The following GNB4 variants were observed in gnomAD, a reference collection of about 807,000 sequenced individuals.
The protein encoded by GNB4 is guanine nucleotide-binding protein subunit beta-4.
Under a neutral mutation model 45.2 loss-of-function variants are expected in GNB4, and 28 were observed. That is an observed-to-expected ratio of 0.62 (90% CI 0.46 to 0.85). The LOEUF (loss-of-function observed/expected upper bound fraction) is 0.85. Ranked by LOEUF, GNB4 falls within the 40% of genes least tolerant of loss-of-function variation. The pLI is 0.00. For synonymous variants in GNB4, 132 were observed against 143.7 expected (o/e 0.92, Z 0.58); for missense variants, 321 against 425.4 (o/e 0.75, Z 2.16).
chr3:179,416,123 G>A (rs1409749079), intron 5 of GNB4, among the ~76,000 whole-genome samples: 1 of 152,032 alleles, frequency 6.6e-6, no homozygotes, highest in Non-Finnish European at 1.5e-5. Flanking sequence ...AGTGCCTGGA[G>A]CGGGCCAAAG....
the GNB4 span, among the ~76,000 whole-genome samples, chr3:179,511,127 C>T: frequency 2.6e-5 from 4 of 152,340 alleles, no homozygotes; most frequent in South Asian, 6.2e-4. Context: ...GTGTTGGCCA[C>T]ATCACCATGT....
At chr3:179,508,782 T>C in the GNB4 span, among the ~76,000 whole-genome samples, 9 of 151,936 alleles carry the variant, frequency 5.9e-5, no homozygotes, top group East Asian at 1.9e-4. Flanking sequence ...TAAGGACAAA[T>C]AGAGCTGCAA....
At chr3:179,428,372 G>A (rs1321929206) in intron 1 of GNB4, among the ~76,000 whole-genome samples, 3 of 152,098 alleles carry the variant, frequency 2.0e-5, no homozygotes, top group African/African-American at 7.2e-5. Context: ...ATGCATCTCA[G>A]AGAGGGCCAG....
At chr3:179,465,448 C>CAA in the GNB4 span, 48 of 308,894 alleles carry the variant, frequency 1.6e-4, no homozygotes, top group South Asian at 2.1e-4. Context: ...ACTAAAAATA[C>CAA]AAAAAAAAAA....
the GNB4 span, among the ~76,000 whole-genome samples, chr3:179,504,269 G>T: frequency 6.6e-6 from 1 of 151,966 alleles, no homozygotes; most frequent in African/African-American, 2.4e-5. Flanking sequence ...CTCTCCCACA[G>T]GCCTGATACT....
intron 9 of GNB4, among the ~76,000 whole-genome samples, chr3:179,402,479 C>G (rs1714331677): frequency 6.6e-6 from 1 of 152,208 alleles, no homozygotes; most frequent in Non-Finnish European, 1.5e-5. Flanking sequence ...ACCATGCAGT[C>G]TCTTGAAAGA....
chr3:179,449,037 A>G (rs1715805434), intron 1 of GNB4, among the ~76,000 whole-genome samples: 1 of 152,266 alleles, frequency 6.6e-6, no homozygotes, highest in South Asian at 2.1e-4. Context: ...GTAGTAACTG[A>G]CAAATTGAAG....
At chr3:179,512,439 A>C in the GNB4 span, among the ~76,000 whole-genome samples, 1 of 152,212 alleles carries the variant, frequency 6.6e-6, no homozygotes, top group Non-Finnish European at 1.5e-5. Flanking sequence ...ACTTTTCCAT[A>C]TGCATAGCTT....
intron 1 of GNB4, among the ~76,000 whole-genome samples, chr3:179,448,098 C>T (rs917862353): frequency 2.0e-5 from 3 of 152,158 alleles, no homozygotes; most frequent in East Asian, 1.9e-4. Context: ...GTCTCTGAAG[C>T]GGGTTCAGAA....
At chr3:179,458,567 C>T in the GNB4 span, among the ~76,000 whole-genome samples, 2 of 152,212 alleles carry the variant, frequency 1.3e-5, no homozygotes, top group African/African-American at 2.4e-5. Context: ...CCAGGACCCC[C>T]GCGGATACCA....
At chr3:179,520,746 C>A in the GNB4 span, among the ~76,000 whole-genome samples, 2 of 152,286 alleles carry the variant, frequency 1.3e-5, no homozygotes, top group South Asian at 4.1e-4. Flanking sequence ...CCACACCTGA[C>A]CCCCATGATT....
the GNB4 span, among the ~76,000 whole-genome samples, chr3:179,512,627 G>T: frequency 6.6e-6 from 1 of 152,204 alleles, no homozygotes; most frequent in African/African-American, 2.4e-5. Context: ...CCATGGCAGG[G>T]TTGGACTCTG....
chr3:179,405,535 A>G (rs933944213), intron 8 of GNB4, 129 bp from the exon 9 acceptor site: 11 of 607,052 alleles, frequency 1.8e-5, no homozygotes, highest in Admixed American at 6.1e-5. Context: ...GTTGGGCACT[A>G]AAGATTCTTA....
At chr3:179,493,636 A>T in the GNB4 span, among the ~76,000 whole-genome samples, 4 of 152,126 alleles carry the variant, frequency 2.6e-5, no homozygotes, top group Admixed American at 2.6e-4. Context: ...AAGAGAGAGG[A>T]AAGGAGGAAA....
chr3:179,408,628 T>C (rs1446721282), intron 8 of GNB4, among the ~76,000 whole-genome samples: 2 of 151,126 alleles, frequency 1.3e-5, no homozygotes, highest in African/African-American at 4.9e-5. Context: ...CCGCCTCTAC[T>C]AAAAATACAA....
the GNB4 span, among the ~76,000 whole-genome samples, chr3:179,475,425 C>A: frequency 6.7e-6 from 1 of 149,146 alleles, no homozygotes; most frequent in African/African-American, 2.5e-5. Context: ...GGCCCAAACT[C>A]GCTTTTTTAT....
rs928886798 is a variant in GNB4, at chr3:179,431,122, G to A, written c.-42-4880C>T. ...AAATTTTCCCAACTCTTCCACCAATGTCTTTTTACATCTGATTTGTGCAAA... is the reference window on the plus strand; with the variant it reads ...AAATTTTCCCAACTCTTCCACCAATATCTTTTTACATCTGATTTGTGCAAA... On this transcript the variant is annotated intron_variant, in intron 1 of 9. Transcript: ENST00000232564. Among the ~76,000 whole-genome samples, 5 of 152,048 alleles carry A rather than the reference G, an allele frequency of 3.3e-5. No individual in the cohort carries two copies. The East Asian group carries it at 9.6e-4, about 29-fold the overall frequency.
At chr3:179,517,868 T>A in the GNB4 span, among the ~76,000 whole-genome samples, 1 of 152,304 alleles carries the variant, frequency 6.6e-6, no homozygotes, top group African/African-American at 2.4e-5. Context: ...CCTGCCTGAT[T>A]ATTCACCCAC....
At chr3:179,471,255 C>T in the GNB4 span, among the ~76,000 whole-genome samples, 9 of 151,990 alleles carry the variant, frequency 5.9e-5, no homozygotes, top group South Asian at 1.0e-3. Context: ...ATAAATTTAG[C>T]GTAGCCTAAG....
Sources: gnomAD v4.1 joint callset for allele counts (sites outside exome capture counted in the v4.1 genomes callset) on GRCh38, gnomAD v4.1.1 for gene constraint, MANE v1.5 for transcripts, NCBI Gene and HGNC (gene_info 2026-07-23, HGNC 2026-07-21) for gene names.